Variants in EXOC2 observed in about 807,000 individuals in gnomAD.
The protein encoded by EXOC2 is exocyst complex component 2.
Under a neutral mutation model 131.8 loss-of-function variants are expected in EXOC2, and 70 were observed. The observed-to-expected ratio is 0.53, with a 90% CI of 0.44 to 0.65. The LOEUF (loss-of-function observed/expected upper bound fraction) is 0.65. Among genes scored for constraint, EXOC2 ranks in the 30% least tolerant of loss-of-function variants. The probability of loss-of-function intolerance (pLI) is 0.00; values close to 1 mark genes in which losing one functional copy is unlikely to be tolerated. For missense variants in EXOC2, 923 were observed against 1,108.6 expected, an observed-to-expected ratio of 0.83 and a Z score of 2.38; for synonymous variants, 411 against 398.4, an observed-to-expected ratio of 1.03 and a Z score of -0.38.
intron 17 of EXOC2, among the ~76,000 whole-genome samples, chr6:562,017 G>A (rs1757725507): frequency 6.6e-6 from 1 of 152,226 alleles, no homozygotes; most frequent in African/African-American, 2.4e-5. Flanking sequence ...TATGGCTCCT[G>A]GGAGGGGACT....
At chr6:572,723 C>T in intron 12 of EXOC2, 79 bp from the exon 13 acceptor site, 2 of 1,517,680 alleles carry the variant, frequency 1.3e-6, no homozygotes, top group East Asian at 2.3e-5. Context: ...GCGCACCCCC[C>T]TCCACTCCCG....
intron 5 of EXOC2, among the ~76,000 whole-genome samples, chr6:618,177 A>G (rs1761107504): frequency 6.6e-6 from 1 of 152,258 alleles, no homozygotes; most frequent in Non-Finnish European, 1.5e-5. Context: ...AACATCCTGT[A>G]CTAGGTAAGA....
At chr6:595,218 T>C (rs1450364513) in intron 10 of EXOC2, among the ~76,000 whole-genome samples, 1 of 152,028 alleles carries the variant, frequency 6.6e-6, no homozygotes, top group African/African-American at 2.4e-5. Context: ...GACAATATAG[T>C]GGTAATCTGA....
At chr6:590,306 ATAAT>A (rs1759469444) in intron 11 of EXOC2, among the ~76,000 whole-genome samples, 1 of 152,228 alleles carries the variant, frequency 6.6e-6, no homozygotes, top group Non-Finnish European at 1.5e-5. Context: ...AAAATATAAA[ATAAT>A]TAATGACATT....
At chr6:620,788 C>T (rs970275473) in intron 4 of EXOC2, among the ~76,000 whole-genome samples, 26 of 152,234 alleles carry the variant, frequency 1.7e-4, no homozygotes, top group African/African-American at 5.8e-4. Flanking sequence ...GCTGCTTACT[C>T]GTTTGGGGGA....
At chr6:549,597 G>A (rs561957162) in intron 21 of EXOC2, among the ~76,000 whole-genome samples, 41 of 152,126 alleles carry the variant, frequency 2.7e-4, no homozygotes, top group Non-Finnish European at 5.6e-4. Context: ...CTGGGAACTG[G>A]GATCAGTGTT....
At chr6:682,508 C>T (rs1002142942) in intron 1 of EXOC2, among the ~76,000 whole-genome samples, 5 of 152,178 alleles carry the variant, frequency 3.3e-5, no homozygotes, top group African/African-American at 7.2e-5. Context: ...CCCCGAGTTT[C>T]TAAAATACAA....
intron 17 of EXOC2, among the ~76,000 whole-genome samples, chr6:562,159 G>A (rs928788285): frequency 2.0e-5 from 3 of 152,364 alleles, no homozygotes; most frequent in East Asian, 1.9e-4. Flanking sequence ...ACGCTGCCAG[G>A]CTGCTGTGAG....
chr6:651,284 C>G (rs1316605398), intron 1 of EXOC2, among the ~76,000 whole-genome samples: 3 of 152,052 alleles, frequency 2.0e-5, no homozygotes, highest in Admixed American at 1.3e-4. Context: ...CCTCCTGCCT[C>G]GGCCTCCCAA....
chr6:631,460 C>T (rs1027267142), intron 3 of EXOC2, among the ~76,000 whole-genome samples: 12 of 152,024 alleles, frequency 7.9e-5, no homozygotes, highest in South Asian at 4.1e-4. Flanking sequence ...ATTGCTTGAA[C>T]CTGGGAGGCG....
chr6:576,891 G>A lies in EXOC2; in HGVS notation c.1193-9C>T, dbSNP rs1758615868. 6.2e-7 allele frequency: 1 copy of A among 1,613,366 alleles called. No homozygotes were observed. The highest frequency in any genetic ancestry group is 1.3e-5 in the African/African-American group (1 of 74,908). ...GTGCAGGCCTGGGTTACCTGGGGAA[G>A]AAAGGAGAGATATACAGAGTATATA... On this transcript the variant is annotated splice_polypyrimidine_tract_variant and intron_variant, in intron 11 of 27. Coordinates refer to ENST00000230449, the MANE Select transcript of EXOC2 (RefSeq NM_018303.6).
intron 1 of EXOC2, among the ~76,000 whole-genome samples, chr6:643,662 G>GA (rs1762457310): frequency 6.6e-6 from 1 of 151,672 alleles, no homozygotes; most frequent in Non-Finnish European, 1.5e-5. Flanking sequence ...AAAGGGGAAG[G>GA]AGGGCAGGAA....
Position 488,970 on chromosome 6 carries a change from A to G in EXOC2, c.2681+9T>C, listed in dbSNP as rs749090502. The G allele has an allele frequency of 5.0e-6, 8 of 1,613,826 alleles. No individual in the cohort carries two copies. Among genetic ancestry groups the G allele is most frequent in the South Asian group, 2.2e-5 (2 of 91,042 alleles). ...CAACTGGCTCCTAAGAACAGCACAC[A>G]GGACTTACTTTTTATCTGCTCCACT... On this transcript the variant is annotated intron_variant, in intron 27 of 27. Coordinates refer to ENST00000230449, the MANE Select transcript of EXOC2 (RefSeq NM_018303.6).
rs574682337 is a variant in EXOC2, at chr6:538,750, T to C, written c.2239-6140A>G. Among the ~76,000 whole-genome samples, 7 of 152,336 alleles carry C rather than the reference T, an allele frequency of 4.6e-5. No homozygotes were observed. The South Asian group carries it at 1.5e-3, about 32-fold the overall frequency. On this transcript the variant is annotated intron_variant, in intron 22 of 27. Transcript: ENST00000230449. ...ATTCAGTATGTTCCCTGGCTTATGATGTGCTACGTCAGGTTAAACCCACTG... is the reference window on the plus strand; with the variant it reads ...ATTCAGTATGTTCCCTGGCTTATGACGTGCTACGTCAGGTTAAACCCACTG...
chr6:607,207 T>G (rs895999517), intron 7 of EXOC2, among the ~76,000 whole-genome samples: 6 of 152,208 alleles, frequency 3.9e-5, no homozygotes, highest in Admixed American at 3.9e-4. Context: ...CCGTGATGAC[T>G]GAAACCTGCG....
chr6:616,597 C>T (rs140591243), intron 6 of EXOC2, among the ~76,000 whole-genome samples: 10,867 of 64,904 alleles, frequency 0.17, 854 homozygotes, highest in African/African-American at 0.33. Context: ...AGCGAAACTC[C>T]GTCTCAAAAA....
chr6:599,209 T>C lies in EXOC2; in HGVS notation c.759A>G (p.Ala253=), dbSNP rs61748570. 78,138 of 1,593,748 alleles carry C rather than the reference T, an allele frequency of 0.049. 3,386 individuals carry two copies. The highest frequency in any genetic ancestry group is 0.21 in the African/African-American group (15,889 of 74,476). Residue 253 remains alanine (A), a synonymous_variant, in exon 8 of 28, where the codon GCA becomes GCG. Coordinates refer to ENST00000230449, the MANE Select transcript of EXOC2 (RefSeq NM_018303.6). ...CTAATACTTCTTGAAACAATGTGTC[T>C]GCAGTATTACTTGCTCCTGTTTTAA... ...ENVLNRASNT[A]DTLFQEVLGR...
rs1561914420 is a variant in EXOC2 at position 604,286 on chromosome 6, T to A, written c.743-5061A>T. Among the ~76,000 whole-genome samples the A allele has an allele frequency of 1.3e-5, 2 of 152,208 alleles. 1 individual carries two copies. The highest frequency in any genetic ancestry group is 4.1e-4 in the South Asian group (2 of 4,832). On this transcript the variant is annotated intron_variant, in intron 7 of 27. Coordinates refer to ENST00000230449, the MANE Select transcript of EXOC2 (RefSeq NM_018303.6). ...TCACCAATGACTACTTCCTTTTCCC[T>A]ATGTAACATGTCAAACCTTCCCTGT...
chr6:668,859 A>C (rs1763731598), intron 1 of EXOC2, among the ~76,000 whole-genome samples: 1 of 152,220 alleles, frequency 6.6e-6, no homozygotes, highest in South Asian at 2.1e-4. Context: ...GTAAGTTATC[A>C]AACTGTATTG....
Sources: gnomAD v4.1 joint callset for allele counts (sites outside exome capture counted in the v4.1 genomes callset) on GRCh38, gnomAD v4.1.1 for gene constraint, MANE v1.5 for transcripts, NCBI Gene and HGNC (gene_info 2026-07-23, HGNC 2026-07-21) for gene names.